ANKRD13C: variants seen among roughly 807,000 people sequenced by gnomAD.
ANKRD13C encodes ankyrin repeat domain-containing protein 13C.
ANKRD13C carries 16 observed loss-of-function variants against 65.5 expected under a neutral mutation model. The ratio of observed to expected loss-of-function variants is 0.24; its 90% CI spans 0.17 to 0.37. ANKRD13C has a LOEUF of 0.37. Ranked by LOEUF, ANKRD13C falls within the 10% of genes least tolerant of loss-of-function variation. ANKRD13C has a pLI of 1.00. For synonymous variants in ANKRD13C, 235 were observed against 238.7 expected, an observed-to-expected ratio of 0.98 and a Z score of 0.14; for missense variants, 503 against 655.9, an observed-to-expected ratio of 0.77 and a Z score of 2.55.
chr1:70,353,851 T>C, intron 1 of ANKRD13C, 128 bp downstream of exon 1: 2 of 1,296,676 alleles, frequency 1.5e-6, no homozygotes, highest in Non-Finnish European at 1.0e-6. Flanking sequence ...GATCATGATT[T>C]ACCGAACGGC....
chr1:70,324,533 C>T (rs1681450518), intron 3 of ANKRD13C, among the ~76,000 whole-genome samples: 1 of 151,914 alleles, frequency 6.6e-6, no homozygotes, highest in Non-Finnish European at 1.5e-5. Context: ...TATAATTAAG[C>T]AGTTGCCAAA....
At chr1:70,312,372 T>C (rs946890583) in intron 5 of ANKRD13C, among the ~76,000 whole-genome samples, 1 of 151,914 alleles carries the variant, frequency 6.6e-6, no homozygotes, top group Non-Finnish European at 1.5e-5. Context: ...ATTACTGTTT[T>C]TTTTTTTTTT....
At chr1:70,283,777 C>T (rs527906863) in intron 9 of ANKRD13C, among the ~76,000 whole-genome samples, 6 of 151,928 alleles carry the variant, frequency 3.9e-5, no homozygotes, top group East Asian at 1.9e-4. Context: ...CATTGCACTC[C>T]AGCCTGGGCA....
intron 2 of ANKRD13C, among the ~76,000 whole-genome samples, chr1:70,335,709 T>C (rs1236336238): frequency 6.7e-6 from 1 of 149,574 alleles, no homozygotes; most frequent in Non-Finnish European, 1.5e-5. Context: ...AAATATTATA[T>C]ATTAAAAATC....
intron 9 of ANKRD13C, among the ~76,000 whole-genome samples, chr1:70,280,820 G>T (rs1679354598): frequency 6.6e-6 from 1 of 152,038 alleles, no homozygotes; most frequent in South Asian, 2.1e-4. Flanking sequence ...TCTATTTCAG[G>T]GTGATTACTC....
At chr1:70,274,473 CAAA>C (rs769480539) in intron 11 of ANKRD13C, among the ~76,000 whole-genome samples, 4 of 38,676 alleles carry the variant, frequency 1.0e-4, no homozygotes, top group African/African-American at 3.3e-4. Flanking sequence ...GACTCCATCT[CAAA>C]AAAAAAAAAA....
chr1:70,317,772 T>G (rs1681133735), intron 3 of ANKRD13C, among the ~76,000 whole-genome samples: 1 of 152,198 alleles, frequency 6.6e-6, no homozygotes, highest in Non-Finnish European at 1.5e-5. Context: ...TAATAAATCT[T>G]ATTCAATCTA....
intron 8 of ANKRD13C, among the ~76,000 whole-genome samples, chr1:70,293,064 C>T (rs575219553): frequency 1.3e-5 from 2 of 152,252 alleles, no homozygotes; most frequent in Admixed American, 6.5e-5. Flanking sequence ...CTCTAACAGG[C>T]ACCAAACTTC....
Position 70,324,905 on chromosome 1 carries a change from A to G in ANKRD13C, c.525T>C (p.Ala175=), listed in dbSNP as rs1306119113. ...AHNAPVKVKN[A]QGWSPLAEAI... ...CTTCCGCCAGAGGGCTCCATCCCTG[A>G]GCATTTTTCACCTTGACTGGAGCAT... is the stretch of plus-strand genomic sequence containing the variant. Residue 175 remains alanine, a synonymous_variant, in exon 3 of 13, where the codon GCT becomes GCC. Transcript: ENST00000370944. 2 of 1,611,946 alleles carry G rather than the reference A, an allele frequency of 1.2e-6. No individual in the cohort carries two copies. The highest frequency in any genetic ancestry group is 1.1e-5 in the South Asian group (1 of 90,652).
intron 12 of ANKRD13C, among the ~76,000 whole-genome samples, chr1:70,269,435 T>C (rs1213302000): frequency 6.6e-6 from 1 of 152,232 alleles, no homozygotes; most frequent in Admixed American, 6.5e-5. Context: ...ACTCCTGTTC[T>C]CTATTCTGGT....
intron 9 of ANKRD13C, among the ~76,000 whole-genome samples, chr1:70,287,410 T>C (rs1679670345): frequency 6.6e-6 from 1 of 152,092 alleles, no homozygotes; most frequent in African/African-American, 2.4e-5. Context: ...AATAAACCTT[T>C]GACCTAAACC....
chr1:70,279,203 T>C (rs1679274064), intron 9 of ANKRD13C, among the ~76,000 whole-genome samples: 1 of 151,882 alleles, frequency 6.6e-6, no homozygotes, highest in African/African-American at 2.4e-5. Flanking sequence ...CATGACTCTG[T>C]CTCAAAAGAA....
intron 11 of ANKRD13C, among the ~76,000 whole-genome samples, chr1:70,273,613 A>C (rs1678991079): frequency 6.6e-6 from 1 of 152,238 alleles, no homozygotes; most frequent in South Asian, 2.1e-4. Flanking sequence ...TAACAAGGAA[A>C]AAGAATAGAC....
chr1:70,334,723 G>T (rs548040934), intron 2 of ANKRD13C, among the ~76,000 whole-genome samples: 1 of 151,926 alleles, frequency 6.6e-6, no homozygotes, highest in African/African-American at 2.4e-5. Flanking sequence ...TCGGGGGTTC[G>T]AGATCGGCCT....
rs1680078485 is a variant in ANKRD13C at position 70,296,272 on chromosome 1, A to G, written c.922-11T>C. 2.5e-6 allele frequency: 4 copies of G among 1,604,058 alleles called. No homozygotes were observed. Among genetic ancestry groups the G allele is most frequent in the South Asian group, 1.1e-5 (1 of 88,384 alleles). Reference sequence around the variant, plus strand: ...TTCCATCTCTGATTCCTGGGATGTGAGCAAAAGTTAAATATAAAAATCTAG... The same window carrying G: ...TTCCATCTCTGATTCCTGGGATGTGGGCAAAAGTTAAATATAAAAATCTAG... On this transcript the variant is annotated splice_polypyrimidine_tract_variant and intron_variant, in intron 7 of 12. Coordinates refer to ENST00000370944, the MANE Select transcript of ANKRD13C (RefSeq NM_030816.5).
intron 2 of ANKRD13C, among the ~76,000 whole-genome samples, chr1:70,325,753 C>A (rs1220841811): frequency 6.6e-6 from 1 of 152,074 alleles, no homozygotes; most frequent in African/African-American, 2.4e-5. Context: ...GTGGTACGTG[C>A]CTGTAGTCCC....
At chr1:70,268,191 CAG>C (rs1352148502) in intron 12 of ANKRD13C, among the ~76,000 whole-genome samples, 11 of 151,632 alleles carry the variant, frequency 7.3e-5, no homozygotes, top group Non-Finnish European at 1.3e-4. Context: ...CACCTTGAGA[CAG>C]AGTCTTGCTC....
chr1:70,341,456 G>T (rs1321223052), intron 1 of ANKRD13C, among the ~76,000 whole-genome samples: 1 of 149,188 alleles, frequency 6.7e-6, no homozygotes, highest in Admixed American at 6.8e-5. Context: ...CCGCCTCCCA[G>T]GTTCAAGCGA....
intron 12 of ANKRD13C, among the ~76,000 whole-genome samples, chr1:70,268,967 C>T (rs1678756933): frequency 6.6e-6 from 1 of 151,680 alleles, no homozygotes; most frequent in Non-Finnish European, 1.5e-5. Flanking sequence ...TATACATGTG[C>T]CATGCTGGTG....
Sources: gnomAD v4.1 joint callset for allele counts (sites outside exome capture counted in the v4.1 genomes callset) on GRCh38, gnomAD v4.1.1 for gene constraint, MANE v1.5 for transcripts, NCBI Gene and HGNC (gene_info 2026-07-23, HGNC 2026-07-21) for gene names.